C2CD2L: variants seen among roughly 807,000 people sequenced by gnomAD.
The protein encoded by C2CD2L is C2CD2 like, also known as phospholipid transfer protein C2CD2L.
In C2CD2L, 24 loss-of-function variants were observed where a neutral mutation model predicts 69.9. The observed-to-expected ratio is 0.34, with a 90% CI of 0.25 to 0.48. The LOEUF is 0.48. C2CD2L is among the 20% of genes least tolerant of loss of function. The pLI is 0.99. For synonymous variants in C2CD2L, 367 were observed against 391.0 expected (o/e 0.94, Z 0.72); for missense variants, 811 against 941.5 (o/e 0.86, Z 1.81).
Position 119,113,908 on chromosome 11 carries a change from C to G in C2CD2L, c.1543C>G (p.Gln515Glu). ...CCCTGTAGCAGAGACAGCGATTCGC[C>G]AGCTGACAGAGCCCAGTGGGCGGGT... The part of the protein sequence containing the change: ...LDPVAETAIR[Q>E]LTEPSGRVAK... The change falls in exon 12 of 14, where the codon CAG becomes GAG. Residue 515 changes from glutamine to glutamate, a missense_variant. By Grantham distance (29) the Gln-to-Glu change is conservative (BLOSUM62 2). Transcript: ENST00000648610. 6.2e-7 allele frequency: 1 copy of G among 1,614,176 alleles called. No individual in the cohort carries two copies. Among genetic ancestry groups the G allele is most frequent in the African/African-American group, 1.3e-5 (1 of 75,028 alleles).
Position 119,109,917 on chromosome 11 carries a change from C to T in C2CD2L, c.355-187C>T, listed in dbSNP as rs1227432274. Among the ~76,000 whole-genome samples the T allele has an allele frequency of 1.3e-5, 2 of 152,164 alleles. No individual in the cohort carries two copies. Among genetic ancestry groups the T allele is most frequent in the Non-Finnish European group, 2.9e-5 (2 of 68,004 alleles). On this transcript the variant is annotated intron_variant, in intron 1 of 13. Coordinates refer to ENST00000648610, the MANE Select transcript of C2CD2L (RefSeq NM_001290474.2). The surrounding 1 kb of genome is among the most constrained non-coding windows in gnomAD (Gnocchi z 5.1). ...ATTGCTCAGTGGCTCCTAGCAGCTA[C>T]AGGCCCCTGGAGAGGCAGGCCTTGA... is the stretch of plus-strand genomic sequence containing the variant.
At chr11:119,113,224 C>A in intron 10 of C2CD2L, 1 of 404,282 alleles carries the variant, frequency 2.5e-6, no homozygotes, top group South Asian at 3.5e-5. Context: ...AGCCCTCCAG[C>A]ACCCCCTGGG....
chr11:119,108,141 CA>C (rs765388194), intron 1 of C2CD2L, 46 bp downstream of exon 1: 2 of 1,357,254 alleles, frequency 1.5e-6, no homozygotes, highest in Non-Finnish European at 2.0e-6. Flanking sequence ...CCTTTCCTTC[CA>C]GGGGAGGGAC....
chr11:119,114,705 A>T lies in C2CD2L; in HGVS notation c.1909+340A>T. ...GCTCACACCGGCACTTTGGGAGGCC[A>T]AGGCGGGTGGCTTACCTGAGTCCAG... On this transcript the variant is annotated intron_variant, in intron 13 of 13. Transcript: ENST00000648610. This position sits in a 1 kb window ranked among gnomAD's most constrained non-coding sequence, Gnocchi z 5.1. 3.1e-6 allele frequency: 1 copy of T among 318,068 alleles called. No individual in the cohort carries two copies. Among genetic ancestry groups the T allele is most frequent in the Middle Eastern group, 1.1e-3 (1 of 920 alleles). 19.7% of individuals were successfully genotyped at this position (318,068 alleles called of 1,614,324 possible).
Position 119,107,910 on chromosome 11 carries a change from G to C in C2CD2L, c.169G>C (p.Ala57Pro). 6.5e-7 allele frequency: 1 copy of C among 1,528,916 alleles called. No homozygotes were observed. Among genetic ancestry groups the C allele is most frequent in the Non-Finnish European group, 8.7e-7 (1 of 1,144,352 alleles). The allele number at this position is 1,528,916 out of a possible 1,614,324, so 94.7% of individuals were successfully genotyped here. Reference sequence around the variant, plus strand: ...GGGACCCGCCTTAGCCGGGGAACCCGCGGGTTCCCTGCGGGAGCTGGGCGT... The same window carrying C: ...GGGACCCGCCTTAGCCGGGGAACCCCCGGGTTCCCTGCGGGAGCTGGGCGT... Reference protein sequence around the residue: ...GPGPALAGEPAGSLRELGVWR... With the variant: ...GPGPALAGEPPGSLRELGVWR... Residue 57 changes from alanine (A) to proline (P), a missense_variant, in exon 1 of 14, where the codon GCG (alanine) becomes CCG (proline). Ala to Pro is a conservative substitution (Grantham distance 27). Transcript: ENST00000648610. This position sits in a 1 kb window ranked among gnomAD's most constrained non-coding sequence, Gnocchi z 5.4.
chr11:119,102,265 G>C (rs1267169404), upstream of C2CD2L: 4 of 480,772 alleles, frequency 8.3e-6, no homozygotes, highest in South Asian at 6.2e-5. Context: ...GGATGCCTCC[G>C]GCTCCAGGAA....
Position 119,110,518 on chromosome 11 carries a change from TGAG to T in C2CD2L, c.451-42_451-40del, listed in dbSNP as rs1300878398. The stretch of plus-strand genomic sequence containing the variant: ...TATTACAGGGCAGTTCAAAGCAGGG[TGAG>T]CACCCTTCCCCCACATCTGACCCAC... On this transcript the variant is annotated intron_variant, in intron 2 of 13. Coordinates refer to ENST00000648610, the MANE Select transcript of C2CD2L (RefSeq NM_001290474.2). This position sits in a 1 kb window ranked among gnomAD's most constrained non-coding sequence, Gnocchi z 5.7. 5 of 1,589,906 alleles carry T rather than the reference TGAG, an allele frequency of 3.1e-6. No homozygotes were observed. The highest frequency in any genetic ancestry group is 4.3e-6 in the Non-Finnish European group (5 of 1,172,758).
At position 119,110,708 on chromosome 11, in the gene C2CD2L, G is replaced by A; in HGVS notation, c.570+28G>A. ...AGAAGGGGATGTGGGAAACTGAGTT[G>A]GGCAGGGGCGGTTCCATTGGCTCAG... is the stretch of plus-strand genomic sequence containing the variant. On this transcript the variant is annotated intron_variant, in intron 3 of 13. Coordinates refer to ENST00000648610, the MANE Select transcript of C2CD2L (RefSeq NM_001290474.2). The surrounding 1 kb of genome is among the most constrained non-coding windows in gnomAD (Gnocchi z 5.7). The A allele has an allele frequency of 6.2e-7, 1 of 1,613,158 alleles. No individual in the cohort carries two copies.
In C2CD2L at chr11:119,111,369, T is replaced by C; in HGVS notation, c.905T>C (p.Leu302Pro). 3 of 1,614,088 alleles carry C rather than the reference T, an allele frequency of 1.9e-6. No homozygotes were observed. The highest frequency in any genetic ancestry group is 2.5e-6 in the Non-Finnish European group (3 of 1,179,902). Residue 302 changes from leucine to proline, a missense_variant, in exon 6 of 14, where the codon CTG becomes CCG. Transcript: ENST00000648610. ...QLRASHLGNE[L>P]EGTEELCCVA... is the part of the protein sequence containing the mutation. ...CGGGCATCTCACTTGGGAAATGAGC[T>C]GGAAGGTGAGAGCTGGAAGTGGCTG... is the stretch of plus-strand genomic sequence containing the variant.
intron 1 of C2CD2L, 36 bp downstream of exon 1, chr11:119,108,131 C>A (rs919805504): frequency 6.9e-7 from 1 of 1,442,690 alleles, no homozygotes; most frequent in African/African-American, 1.5e-5. Context: ...GTCCCTTCAG[C>A]CTTTCCTTCC....
chr11:119,110,066 T>C lies in C2CD2L; in HGVS notation c.355-38T>C. On this transcript the variant is annotated intron_variant, in intron 1 of 13. Transcript: ENST00000648610. This position sits in a 1 kb window ranked among gnomAD's most constrained non-coding sequence, Gnocchi z 5.7. ...GCAGGCCAACCCTGTGGGGGGCAGC[T>C]CCAGAGACCTGATCCAATGCCCACA... The C allele has an allele frequency of 6.8e-7, 1 of 1,469,640 alleles. No individual in the cohort carries two copies. Among genetic ancestry groups the C allele is most frequent in the Non-Finnish European group, 9.5e-7 (1 of 1,048,378 alleles). 91.0% of individuals were successfully genotyped at this position (1,469,640 alleles called of 1,614,324 possible).
Position 119,111,559 on chromosome 11 carries a change from C to G in C2CD2L, c.949C>G (p.Pro317Ala). The part of the protein sequence containing the change: ...ELCCVAELDN[P>A]MQQKWTKPAR... ...GTGCTGTGTAGCTGAACTCGACAAC[C>G]CCATGCAGCAGAAGTGGACCAAGCC... The change falls in exon 7 of 14, where the codon CCC becomes GCC. Residue 317 changes from proline (P) to alanine (A), a missense_variant. Pro to Ala is a conservative substitution (Grantham distance 27, BLOSUM62 -1). Transcript: ENST00000648610. The G allele has an allele frequency of 6.2e-7, 1 of 1,614,216 alleles. No homozygotes were observed.
At chr11:119,104,899 A>C (rs1946555327), upstream of C2CD2L, among the ~76,000 whole-genome samples, 1 of 152,074 alleles carries the variant, frequency 6.6e-6, no homozygotes, top group Non-Finnish European at 1.5e-5. Context: ...CAGCTGAATC[A>C]CTCTTTTTCC....
At position 119,111,512 on chromosome 11, in the gene C2CD2L, T is replaced by C; in HGVS notation, c.911-9T>C. The stretch of plus-strand genomic sequence containing the variant: ...ATCTGAGCATCTTCTAACTTCTGGT[T>C]CATCACAGGCACCGAGGAACTGTGC... On this transcript the variant is annotated splice_polypyrimidine_tract_variant and intron_variant, in intron 6 of 13. Transcript: ENST00000648610. 6.2e-7 allele frequency: 1 copy of C among 1,613,680 alleles called. No individual in the cohort carries two copies. Among genetic ancestry groups the C allele is most frequent in the Non-Finnish European group, 8.5e-7 (1 of 1,179,600 alleles).
At chr11:119,103,862 T>G (rs1946548439), upstream of C2CD2L, among the ~76,000 whole-genome samples, 1 of 152,240 alleles carries the variant, frequency 6.6e-6, no homozygotes, top group Non-Finnish European at 1.5e-5. Context: ...ACTGCTATTA[T>G]TTTTCTGTGT....
chr11:119,102,341 C>T (rs927038227), upstream of C2CD2L: 3 of 471,122 alleles, frequency 6.4e-6, no homozygotes, highest in African/African-American at 2.0e-5. Context: ...CTGTTTCTTG[C>T]AGGAAACCTG....
chr11:119,116,788 TG>T lies in C2CD2L; in HGVS notation c.*534del, dbSNP rs1354013733. On this transcript the variant is annotated 3_prime_UTR_variant, in exon 14 of 14. Transcript: ENST00000648610. ...CACCAGTGTCTGCCTCTGAGAATGT[TG>T]GCAGCTCACAGAGAGCAGGGCCGGC... The T allele has an allele frequency of 6.4e-6, 1 of 155,756 alleles. No individual in the cohort carries two copies. The highest frequency in any genetic ancestry group is 1.4e-5 in the Non-Finnish European group (1 of 69,702). 9.6% of individuals were successfully genotyped at this position (155,756 alleles called of 1,614,324 possible). A position where few individuals can be genotyped will look rare whatever the true frequency, so the allele number is the denominator to read the frequency against.
At position 119,116,037 on chromosome 11, in the gene C2CD2L, C is replaced by T; in HGVS notation, c.1910-8C>T. The T allele has an allele frequency of 6.2e-7, 1 of 1,613,434 alleles. No individual in the cohort carries two copies. Among genetic ancestry groups the T allele is most frequent in the Non-Finnish European group, 8.5e-7 (1 of 1,179,900 alleles). ...CTCTCTGCCTCAGCTTCCCCTCTTCCCCTGCAGTGAGTTTCCTGCGCAGCG... is the reference window on the plus strand; with the variant it reads ...CTCTCTGCCTCAGCTTCCCCTCTTCTCCTGCAGTGAGTTTCCTGCGCAGCG... On this transcript the variant is annotated splice_polypyrimidine_tract_variant and splice_region_variant and intron_variant, in intron 13 of 13. Transcript: ENST00000648610.
intron 10 of C2CD2L, 51 bp from the exon 11 acceptor site, chr11:119,113,560 G>A: frequency 6.4e-7 from 1 of 1,567,680 alleles, no homozygotes; most frequent in Non-Finnish European, 8.6e-7. Context: ...AGTAGGGGTG[G>A]GGGCCACTCT....
Sources: allele counts gnomAD v4.1 joint callset (sites outside exome capture counted in the v4.1 genomes callset), GRCh38; gene constraint gnomAD v4.1.1; non-coding constraint Gnocchi (gnomAD v3.1); transcripts MANE v1.5; gene names NCBI Gene and HGNC (gene_info 2026-07-23, HGNC 2026-07-21).